Variants in SORBS2 observed in about 807,000 individuals in gnomAD.
SORBS2 encodes the protein sorbin and SH3 domain containing 2.
In SORBS2, 46 loss-of-function variants were observed where a neutral mutation model predicts 97.7. The ratio of observed to expected loss-of-function variants is 0.47; its 90% CI spans 0.37 to 0.60. SORBS2 has a LOEUF of 0.60. SORBS2 is among the 20% of genes least tolerant of loss of function. SORBS2 has a pLI of 0.00. For missense variants in SORBS2, 1,316 were observed against 1,282.3 expected, an observed-to-expected ratio of 1.03 and a Z score of -0.40; for synonymous variants, 476 against 473.4, an observed-to-expected ratio of 1.01 and a Z score of -0.07.
At chr4:185,801,148 T>C (rs1458328742) in intron 1 of SORBS2, among the ~76,000 whole-genome samples, 1 of 152,086 alleles carries the variant, frequency 6.6e-6, no homozygotes, top group African/African-American at 2.4e-5. Context: ...TCTTTCTCTG[T>C]CTGACTTGTT....
intron 4 of SORBS2, among the ~76,000 whole-genome samples, chr4:185,665,402 T>G (rs1359120364): frequency 6.6e-6 from 1 of 152,178 alleles, no homozygotes; most frequent in Non-Finnish European, 1.5e-5. Context: ...TTTTGAAAAA[T>G]TTTAGACTTT....
exon 6 of SORBS2, chr4:185,626,936 C>A (rs1295797793): frequency 1.2e-6 from 2 of 1,614,120 alleles, no homozygotes. Context: ...CCTGCTCGCA[C>A]TTTGATCTCC....
At chr4:185,666,039 C>A in intron 4 of SORBS2, 1 of 1,289,586 alleles carries the variant, frequency 7.8e-7, no homozygotes, top group Non-Finnish European at 1.0e-6. Context: ...CATCGGGGGG[C>A]GGAAGGCTGA....
At chr4:185,658,673 T>C (rs1164709586), upstream of SORBS2, among the ~76,000 whole-genome samples, 1 of 150,044 alleles carries the variant, frequency 6.7e-6, no homozygotes, top group Non-Finnish European at 1.5e-5. Flanking sequence ...TCATGAAAAA[T>C]TTGTATAAAA....
chr4:185,693,183 T>A (rs2098124596), intron 2 of SORBS2, among the ~76,000 whole-genome samples: 1 of 152,214 alleles, frequency 6.6e-6, no homozygotes, highest in South Asian at 2.1e-4. Flanking sequence ...AATTTTATGA[T>A]GGTGAATTTT....
At chr4:185,870,772 C>T (rs1364832441) in intron 1 of SORBS2, among the ~76,000 whole-genome samples, 1 of 152,218 alleles carries the variant, frequency 6.6e-6, no homozygotes, top group African/African-American at 2.4e-5. Flanking sequence ...GAGCCCACTG[C>T]TGTGCTTTTA....
At chr4:185,900,338 C>A (rs966144623) in intron 1 of SORBS2, among the ~76,000 whole-genome samples, 2 of 152,166 alleles carry the variant, frequency 1.3e-5, no homozygotes, top group Non-Finnish European at 2.9e-5. Flanking sequence ...AACCACACAG[C>A]CTTTAGGTTA....
chr4:185,850,859 G>A (rs1329937236), intron 1 of SORBS2, among the ~76,000 whole-genome samples: 1 of 152,186 alleles, frequency 6.6e-6, no homozygotes, highest in African/African-American at 2.4e-5. Context: ...TACCCAGGGT[G>A]TGTGGGCATC....
chr4:185,923,128 A>G (rs1403635679), intron 1 of SORBS2, among the ~76,000 whole-genome samples: 1 of 152,190 alleles, frequency 6.6e-6, no homozygotes, highest in Non-Finnish European at 1.5e-5. Flanking sequence ...CCCCACACAG[A>G]GTCCAGCAGA....
Position 185,598,881 on chromosome 4 carries a change from A to C in SORBS2, c.2797-4946T>G, listed in dbSNP as rs1283226023. ...TACATAATGTAAAAATCAGGCAAAA[A>C]ATAAAAAAAAAACCTTAAGGGGAAC... On this transcript the variant is annotated intron_variant, in intron 12 of 14. Transcript: ENST00000418609. 2.0e-5 allele frequency among the ~76,000 whole-genome samples: 3 copies of C among 150,760 alleles called. No homozygotes were observed. The East Asian group carries it at 5.8e-4, about 29-fold the overall frequency.
intron 1 of SORBS2, among the ~76,000 whole-genome samples, chr4:185,907,812 C>A (rs1235757083): frequency 3.3e-5 from 5 of 152,146 alleles, no homozygotes; most frequent in Non-Finnish European, 7.4e-5. Flanking sequence ...CAGTTTAAGT[C>A]ATTTCCAATC....
intron 1 of SORBS2, among the ~76,000 whole-genome samples, chr4:185,829,068 T>C (rs1057160631): frequency 3.3e-5 from 5 of 152,218 alleles, no homozygotes; most frequent in African/African-American, 1.2e-4. Context: ...CCAAAACTTG[T>C]TCCTTTTCAA....
chr4:185,600,249 T>A (rs1353097534), intron 12 of SORBS2, among the ~76,000 whole-genome samples: 2 of 152,168 alleles, frequency 1.3e-5, no homozygotes, highest in Non-Finnish European at 2.9e-5. Context: ...CATCTTAACA[T>A]GGCACCCACA....
intron 1 of SORBS2, among the ~76,000 whole-genome samples, chr4:185,830,939 T>C (rs1045420501): frequency 2.0e-5 from 3 of 152,204 alleles, no homozygotes; most frequent in Non-Finnish European, 2.9e-5. Flanking sequence ...ACTATATGGG[T>C]ACTTAGGGTT....
chr4:185,763,775 C>T (rs1298063535), intron 2 of SORBS2, among the ~76,000 whole-genome samples: 1 of 152,116 alleles, frequency 6.6e-6, no homozygotes, highest in Non-Finnish European at 1.5e-5. Flanking sequence ...TTTCAGATTA[C>T]ATGTGAAATT....
In SORBS2 at chr4:185,615,512, G is replaced by A. The variant is rs557255668; in HGVS notation, c.2352-353C>T. On this transcript the variant is annotated intron_variant, in intron 9 of 14. Coordinates refer to ENST00000418609, the Ensembl canonical transcript of SORBS2. ...AAAAATGATGGAATAGTTCTGCACT[G>A]ATTTTTTTTTTTTTTGTCCTGAAGC... Among the ~76,000 whole-genome samples, 98 of 150,176 alleles carry A rather than the reference G, an allele frequency of 6.5e-4. 1 individual carries two copies. In the Middle Eastern group the frequency reaches 0.014, roughly 21 times the overall value.
chr4:185,775,450 T>C (rs1316533295), intron 1 of SORBS2, 84 bp from the exon 2 acceptor site: 3 of 152,308 alleles, frequency 2.0e-5, no homozygotes, highest in African/African-American at 4.8e-5. Flanking sequence ...CTGAGAGCAT[T>C]TGAGCTATTT....
intron 9 of SORBS2, among the ~76,000 whole-genome samples, chr4:185,617,379 A>T (rs1288972885): frequency 6.6e-6 from 1 of 152,164 alleles, no homozygotes; most frequent in Non-Finnish European, 1.5e-5. Context: ...ATTTCTAAAC[A>T]GGATTTTTCT....
intron 2 of SORBS2, among the ~76,000 whole-genome samples, chr4:185,753,901 T>C (rs1223118078): frequency 6.6e-6 from 1 of 152,184 alleles, no homozygotes; most frequent in Non-Finnish European, 1.5e-5. Context: ...TGATTTCTGA[T>C]AGAACTTAAA....
Sources: gnomAD v4.1 joint callset for allele counts (sites outside exome capture counted in the v4.1 genomes callset) on GRCh38, gnomAD v4.1.1 for gene constraint, MANE v1.5 for transcripts, NCBI Gene and HGNC (gene_info 2026-07-23, HGNC 2026-07-21) for gene names.